The following SDK2 variants were observed in gnomAD, a reference collection of about 807,000 sequenced individuals.
SDK2 encodes protein sidekick-2.
Under a neutral mutation model 253.9 loss-of-function variants are expected in SDK2, and 105 were observed. The observed-to-expected ratio is 0.41, with a 90% confidence interval of 0.35 to 0.49. The LOEUF is 0.49. SDK2 is among the 20% of genes least tolerant of loss of function. The probability of loss-of-function intolerance (pLI) is 0.06; values close to 1 mark genes in which losing one functional copy is unlikely to be tolerated. For synonymous variants in SDK2, 1,249 were observed against 1,234.9 expected (o/e 1.01, Z -0.24); for missense variants, 2,608 against 3,003.0 (o/e 0.87, Z 3.07).
intron 1 of SDK2, among the ~76,000 whole-genome samples, chr17:73,565,733 G>A (rs1373386619): frequency 6.6e-6 from 1 of 152,260 alleles, no homozygotes; most frequent in Non-Finnish European, 1.5e-5. Context: ...TTTGGGTAAG[G>A]GGGTTCCCCC....
At chr17:73,588,198 C>CA (rs1491519608) in intron 1 of SDK2, among the ~76,000 whole-genome samples, 4 of 54,900 alleles carry the variant, frequency 7.3e-5, no homozygotes, top group African/African-American at 6.4e-4. Flanking sequence ...CATGGAGAGA[C>CA]CCCCCCCCCT....
chr17:73,540,267 T>C (rs2044846996), intron 1 of SDK2, among the ~76,000 whole-genome samples: 1 of 152,196 alleles, frequency 6.6e-6, no homozygotes, highest in South Asian at 2.1e-4. Context: ...AGCATGGCAA[T>C]AGAGTCTATT....
chr17:73,381,821 C>G (rs1199819438), intron 33 of SDK2, among the ~76,000 whole-genome samples: 1 of 152,012 alleles, frequency 6.6e-6, no homozygotes, highest in African/African-American at 2.4e-5. Context: ...AGGAGAATCG[C>G]TTGAACCTGG....
chr17:73,559,228 G>A (rs979173769), intron 1 of SDK2, among the ~76,000 whole-genome samples: 12 of 152,058 alleles, frequency 7.9e-5, no homozygotes, highest in African/African-American at 2.7e-4. Context: ...CATGCCTGCC[G>A]AGTTCACACA....
chr17:73,495,576 T>C (rs923639044), intron 2 of SDK2, among the ~76,000 whole-genome samples: 2 of 152,230 alleles, frequency 1.3e-5, no homozygotes, highest in Non-Finnish European at 1.5e-5. Flanking sequence ...TGATACCCCT[T>C]GCCTCGCCCT....
Position 73,542,447 on chromosome 17 carries a change from A to C in SDK2, c.65-34850T>G, listed in dbSNP as rs539780034. ...GAGGGGGCTGGTGAAACAGCTCAGCAGGAATGAGGGAAACCTGCCACAAGC... is the reference window on the plus strand; with the variant it reads ...GAGGGGGCTGGTGAAACAGCTCAGCCGGAATGAGGGAAACCTGCCACAAGC... On this transcript the variant is annotated intron_variant, in intron 1 of 44. Coordinates refer to ENST00000392650, the MANE Select transcript of SDK2 (RefSeq NM_001144952.2). Among the ~76,000 whole-genome samples the C allele has an allele frequency of 4.6e-5, 7 of 152,308 alleles. No homozygotes were observed. In the East Asian group the frequency reaches 1.4e-3, roughly 29 times the overall value.
At position 73,352,768 on chromosome 17, in the gene SDK2, G is replaced by A; in HGVS notation, c.5594-131C>T. ...CTCCCTGCTCCACACTGAATCGCAGGCCTTGGTCCTCCCTTGAAGTTTCTT... is the reference window on the plus strand; with the variant it reads ...CTCCCTGCTCCACACTGAATCGCAGACCTTGGTCCTCCCTTGAAGTTTCTT... On this transcript the variant is annotated intron_variant, in intron 40 of 44. Transcript: ENST00000392650. The surrounding 1 kb of genome is among the most constrained non-coding windows in gnomAD (Gnocchi z 4.1). The A allele has an allele frequency of 2.2e-6, 2 of 913,400 alleles. No individual in the cohort carries two copies. Among genetic ancestry groups the A allele is most frequent in the Non-Finnish European group, 3.3e-6 (2 of 606,344 alleles). The allele number at this position is 913,400 out of a possible 1,614,324, so 56.6% of individuals were successfully genotyped here.
intron 40 of SDK2, chr17:73,357,846 T>C (rs2279730): frequency 0.47 from 312,630 of 658,182 alleles, 77,356 homozygotes; most frequent in Admixed American, 0.63. Flanking sequence ...TGGTCCTCAG[T>C]TAGCACTAAC....
At chr17:73,343,987 G>A (rs898285571) in intron 44 of SDK2, among the ~76,000 whole-genome samples, 1 of 152,182 alleles carries the variant, frequency 6.6e-6, no homozygotes, top group South Asian at 2.1e-4. Context: ...GCCTGAAGCC[G>A]GCAGCGCATC....
chr17:73,404,299 A>C (rs971019645), intron 18 of SDK2, among the ~76,000 whole-genome samples: 37 of 152,092 alleles, frequency 2.4e-4, no homozygotes, highest in African/African-American at 8.5e-4. Context: ...GGAGAGGAGG[A>C]GGCTTGGGGA....
At chr17:73,545,743 G>C (rs2044953136) in intron 1 of SDK2, among the ~76,000 whole-genome samples, 2 of 152,176 alleles carry the variant, frequency 1.3e-5, no homozygotes, top group Admixed American at 1.3e-4. Flanking sequence ...TCTCAGGAGG[G>C]TGACCCAGCG....
chr17:73,350,166 G>T, intron 43 of SDK2, 71 bp downstream of exon 43: 4 of 156,950 alleles, frequency 2.5e-5, no homozygotes, highest in East Asian at 2.3e-4. Context: ...CTGCTCTATG[G>T]CCTTCCCCAG....
intron 1 of SDK2, chr17:73,520,636 C>A (rs2064071127): frequency 6.6e-6 from 1 of 152,408 alleles, no homozygotes; most frequent in Non-Finnish European, 1.5e-5. Context: ...CCACCGGCAC[C>A]CAGTCCACTA....
intron 21 of SDK2, among the ~76,000 whole-genome samples, chr17:73,400,510 C>T (rs974330503): frequency 3.3e-5 from 5 of 152,240 alleles, no homozygotes; most frequent in African/African-American, 1.2e-4. Context: ...TGGGAGGATG[C>T]AGCAGGGAGC....
intron 44 of SDK2, among the ~76,000 whole-genome samples, chr17:73,347,255 G>A (rs567305283): frequency 6.6e-5 from 10 of 152,308 alleles, no homozygotes; most frequent in African/African-American, 2.2e-4. Context: ...AGCTACTCTG[G>A]AGGCTGAGGC....
At chr17:73,469,669 T>G (rs549968657) in intron 3 of SDK2, among the ~76,000 whole-genome samples, 2 of 151,396 alleles carry the variant, frequency 1.3e-5, no homozygotes, top group Non-Finnish European at 2.9e-5. Flanking sequence ...GTGGAGGGAG[T>G]TCCCCCCACC....
Position 73,357,758 on chromosome 17 carries a change from G to A in SDK2, c.5593+321C>T, listed in dbSNP as rs535715636. Reference sequence around the variant, plus strand: ...TTATGGGGCACCCATCAGTGGGGTCGTGTGGAGGATTCGGTGTGTGACCCA... The same window carrying A: ...TTATGGGGCACCCATCAGTGGGGTCATGTGGAGGATTCGGTGTGTGACCCA... On this transcript the variant is annotated intron_variant, in intron 40 of 44. Coordinates refer to ENST00000392650, the MANE Select transcript of SDK2 (RefSeq NM_001144952.2). 3.4e-4 allele frequency: 142 copies of A among 422,118 alleles called. 1 individual carries two copies. Among genetic ancestry groups the A allele is most frequent in the African/African-American group, 2.6e-3 (128 of 48,558 alleles). The allele number at this position is 422,118 out of a possible 1,614,324, so 26.1% of individuals were successfully genotyped here.
chr17:73,564,237 C>T (rs1416360154), intron 1 of SDK2, among the ~76,000 whole-genome samples: 1 of 152,184 alleles, frequency 6.6e-6, no homozygotes, highest in Non-Finnish European at 1.5e-5. Context: ...ATTAAAAATT[C>T]AGTTTCTCAG....
At chr17:73,433,932 G>C (rs558219927) in intron 9 of SDK2, 84 bp from the exon 10 acceptor site, 3 of 921,554 alleles carry the variant, frequency 3.3e-6, no homozygotes, top group Non-Finnish European at 4.8e-6. Flanking sequence ...CAAGCCCACC[G>C]AGGGCCAGGC....
Sources: allele counts gnomAD v4.1 joint callset (sites outside exome capture counted in the v4.1 genomes callset), GRCh38; gene constraint gnomAD v4.1.1; non-coding constraint Gnocchi (gnomAD v3.1); transcripts MANE v1.5; gene names NCBI Gene and HGNC (gene_info 2026-07-23, HGNC 2026-07-21).